The following SLC14A2 variants were observed in gnomAD, a reference collection of about 807,000 sequenced individuals.
SLC14A2 encodes urea transporter 2.
Under a neutral mutation model 104.6 loss-of-function variants are expected in SLC14A2, and 91 were observed. The observed-to-expected ratio is 0.87, with a 90% CI of 0.73 to 1.04. SLC14A2 has a LOEUF of 1.04. Among genes scored for constraint, SLC14A2 ranks in the 50% least tolerant of loss-of-function variants. SLC14A2 has a pLI of 0.00. For missense variants in SLC14A2, 1,189 were observed against 1,156.0 expected (o/e 1.03, Z -0.41); for synonymous variants, 476 against 466.4 (o/e 1.02, Z -0.27).
upstream of SLC14A2, among the ~76,000 whole-genome samples, chr18:45,613,096 G>C (rs551010488): frequency 2.6e-5 from 4 of 152,090 alleles, no homozygotes; most frequent in Non-Finnish European, 5.9e-5. Flanking sequence ...GTGCAGTAGC[G>C]CAATCTCGGC....
At chr18:45,345,902 ATGG>A (rs2085443123) in intron 1 of SLC14A2, among the ~76,000 whole-genome samples, 1 of 152,208 alleles carries the variant, frequency 6.6e-6, no homozygotes, top group South Asian at 2.1e-4. Flanking sequence ...GCTCTCCGAA[ATGG>A]TGGTACCAAT....
intron 1 of SLC14A2, among the ~76,000 whole-genome samples, chr18:45,470,149 A>G (rs1368899555): frequency 6.6e-6 from 1 of 152,156 alleles, no homozygotes; most frequent in South Asian, 2.1e-4. Flanking sequence ...TTTTTGGTGC[A>G]TAAATATTTA....
At chr18:45,221,019 GT>G (rs2084056671) in intron 1 of SLC14A2, among the ~76,000 whole-genome samples, 1 of 152,182 alleles carries the variant, frequency 6.6e-6, no homozygotes, top group Non-Finnish European at 1.5e-5. Context: ...CATCACAAGA[GT>G]CTCATTTCAA....
intron 1 of SLC14A2, among the ~76,000 whole-genome samples, chr18:45,236,357 ATG>A (rs550965604): frequency 7.9e-5 from 2 of 25,472 alleles, no homozygotes; most frequent in South Asian, 2.9e-3. Flanking sequence ...ATATACATGT[ATG>A]TGTGTATATA....
upstream of SLC14A2, among the ~76,000 whole-genome samples, chr18:45,212,693 G>T (rs148822742): frequency 6.6e-6 from 1 of 152,122 alleles, no homozygotes; most frequent in African/African-American, 2.4e-5. Context: ...ACTCACAACC[G>T]CATAGGTAAT....
At chr18:45,480,524 T>A (rs2087471531) in intron 1 of SLC14A2, among the ~76,000 whole-genome samples, 1 of 152,186 alleles carries the variant, frequency 6.6e-6, no homozygotes, top group Admixed American at 6.5e-5. Flanking sequence ...ATAGTCTACA[T>A]TTGTGTTCTC....
intron 1 of SLC14A2, among the ~76,000 whole-genome samples, chr18:45,263,552 T>G (rs1207650638): frequency 2.6e-5 from 4 of 152,236 alleles, no homozygotes; most frequent in Non-Finnish European, 5.9e-5. Context: ...GGATCTTGCC[T>G]GTACCAATTC....
At chr18:45,257,944 C>T (rs2084497223) in intron 1 of SLC14A2, among the ~76,000 whole-genome samples, 2 of 152,214 alleles carry the variant, frequency 1.3e-5, no homozygotes, top group African/African-American at 4.8e-5. Context: ...AGGACTATTG[C>T]TCCCAAATGA....
chr18:45,626,869 C>T lies in SLC14A2; in HGVS notation c.332-89C>T, dbSNP rs545118665. 8.4e-6 allele frequency: 7 copies of T among 835,066 alleles called. No individual in the cohort carries two copies. In the Admixed American group the frequency reaches 1.3e-4, roughly 16 times the overall value. The allele number at this position is 835,066 out of a possible 1,614,324, so 51.7% of individuals were successfully genotyped here. The stretch of plus-strand genomic sequence containing the variant: ...TGGGAAGGGTCCTGGCTTGCACATT[C>T]CTGTTTGCCTTGGTTGCCATGCCAA... On this transcript the variant is annotated intron_variant, in intron 3 of 19. Transcript: ENST00000255226.
intron 1 of SLC14A2, among the ~76,000 whole-genome samples, chr18:45,326,531 C>T (rs2085236311): frequency 6.6e-6 from 1 of 152,204 alleles, no homozygotes. Context: ...TCCTCTGCCC[C>T]TTCAACCATT....
chr18:45,237,164 G>A (rs562102398), intron 1 of SLC14A2, among the ~76,000 whole-genome samples: 1 of 152,266 alleles, frequency 6.6e-6, no homozygotes, highest in Admixed American at 6.5e-5. Context: ...AGAAACAAAG[G>A]CAGCTCAACT....
At chr18:45,220,120 T>G (rs1479391236) in intron 1 of SLC14A2, among the ~76,000 whole-genome samples, 1 of 126,580 alleles carries the variant, frequency 7.9e-6, no homozygotes, top group East Asian at 2.1e-4. Context: ...CTGATATTGC[T>G]CTCTATCAGC....
chr18:45,479,484 A>T (rs1003429656), intron 1 of SLC14A2, among the ~76,000 whole-genome samples: 1 of 152,178 alleles, frequency 6.6e-6, no homozygotes, highest in Non-Finnish European at 1.5e-5. Flanking sequence ...AGGGCTTGTC[A>T]TGGCTCTGAC....
At chr18:45,199,463 C>A in the SLC14A2 span, among the ~76,000 whole-genome samples, 1 of 151,936 alleles carries the variant, frequency 6.6e-6, no homozygotes, top group South Asian at 2.1e-4. Flanking sequence ...TTGTTCAGTT[C>A]TTTTTTCATT....
chr18:45,483,313 C>T (rs1033815436), exon 2 of SLC14A2: 2 of 152,106 alleles, frequency 1.3e-5, no homozygotes, highest in African/African-American at 4.8e-5. Flanking sequence ...ACACTGTGAC[C>T]AAGGAAACTG....
At chr18:45,257,364 C>T (rs2084490220) in intron 1 of SLC14A2, among the ~76,000 whole-genome samples, 1 of 152,158 alleles carries the variant, frequency 6.6e-6, no homozygotes, top group African/African-American at 2.4e-5. Context: ...TTTGTATTTA[C>T]CAGTGCATGA....
chr18:45,588,907 G>A (rs966464597), intron 2 of SLC14A2, among the ~76,000 whole-genome samples: 2 of 152,098 alleles, frequency 1.3e-5, no homozygotes, highest in Non-Finnish European at 1.5e-5. Flanking sequence ...GAGTTACAGG[G>A]AGAGGTGAAA....
At chr18:45,208,395 G>A (rs571492632), upstream of SLC14A2, among the ~76,000 whole-genome samples, 84 of 152,166 alleles carry the variant, frequency 5.5e-4, no homozygotes, top group Non-Finnish European at 1.1e-3. Context: ...GTTCATTTCT[G>A]AGAGACATAA....
the SLC14A2 span, among the ~76,000 whole-genome samples, chr18:45,174,882 T>C: frequency 6.6e-6 from 1 of 152,138 alleles, no homozygotes; most frequent in Non-Finnish European, 1.5e-5. Flanking sequence ...CATGAGCTCA[T>C]ACATAATAAG....
Sources: gnomAD v4.1 joint callset for allele counts (sites outside exome capture counted in the v4.1 genomes callset) on GRCh38, gnomAD v4.1.1 for gene constraint, MANE v1.5 for transcripts, NCBI Gene and HGNC (gene_info 2026-07-23, HGNC 2026-07-21) for gene names.